AHRR: variants seen among roughly 807,000 people sequenced by gnomAD.
AHRR encodes the protein aryl hydrocarbon receptor repressor.
A neutral mutation model predicts 44.0 loss-of-function variants in AHRR; 28 were observed. That is an observed-to-expected ratio of 0.64 (90% CI 0.47 to 0.87). AHRR has a LOEUF of 0.87. Among genes scored for constraint, AHRR ranks in the 40% least tolerant of loss-of-function variants. AHRR has a pLI of 0.00. For synonymous variants in AHRR, 434 were observed against 407.0 expected (o/e 1.07, Z -0.80); for missense variants, 990 against 953.9 (o/e 1.04, Z -0.50).
At chr5:328,595 CATT>C (rs759093827) in intron 1 of AHRR, among the ~76,000 whole-genome samples, 13 of 152,098 alleles carry the variant, frequency 8.5e-5, no homozygotes, top group African/African-American at 2.4e-4. Flanking sequence ...GATGATATCT[CATT>C]GTTGTTTTAT....
chr5:427,356 C>T (rs566665047), intron 7 of AHRR, among the ~76,000 whole-genome samples: 15 of 152,306 alleles, frequency 9.8e-5, no homozygotes, highest in South Asian at 2.1e-4. Context: ...TTCATAATTA[C>T]AAATGAAGAA....
rs998976804 is a variant in AHRR, at chr5:405,167, G to T, written c.352-8177G>T. ...AAACCGAGAGCTTGTGAACAGCCCC[G>T]ATGGGTCCAGGCAGATTCACCAGAC... On this transcript the variant is annotated intron_variant, in intron 4 of 10. Transcript: ENST00000684583. The surrounding 1 kb of genome is among the most constrained non-coding windows in gnomAD (Gnocchi z 4.5). Among the ~76,000 whole-genome samples the T allele has an allele frequency of 1.3e-5, 2 of 152,026 alleles. No homozygotes were observed. The highest frequency in any genetic ancestry group is 2.1e-4 in the South Asian group (1 of 4,818).
intron 3 of AHRR, chr5:368,116 C>G: frequency 1.7e-6 from 1 of 593,684 alleles, no homozygotes; most frequent in Non-Finnish European, 3.0e-6. Context: ...CAAATGGAGA[C>G]TCTGACAGCT....
At chr5:368,646 CGTG>C (rs1421475120) in intron 3 of AHRR, among the ~76,000 whole-genome samples, 10 of 152,330 alleles carry the variant, frequency 6.6e-5, no homozygotes, top group Non-Finnish European at 1.2e-4. Flanking sequence ...TCCACGATAA[CGTG>C]GGGTTCCAAG....
At chr5:377,341 A>G (rs1332856775) in intron 4 of AHRR, among the ~76,000 whole-genome samples, 3 of 152,186 alleles carry the variant, frequency 2.0e-5, no homozygotes, top group Non-Finnish European at 4.4e-5. Flanking sequence ...TCCATTCGCC[A>G]TTTTGAAGAT....
In AHRR at chr5:419,390, C is replaced by T. The variant is rs994764934; in HGVS notation, c.442-3339C>T. ...ATGTTGAAGCCAGGCTGATCTCAAACTCCCAACCTCAAGTGATCTGCCCGC... is the reference window on the plus strand; with the variant it reads ...ATGTTGAAGCCAGGCTGATCTCAAATTCCCAACCTCAAGTGATCTGCCCGC... On this transcript the variant is annotated intron_variant, in intron 5 of 10. Transcript: ENST00000684583. The surrounding 1 kb of genome is among the most constrained non-coding windows in gnomAD (Gnocchi z 4.4). Among the ~76,000 whole-genome samples the T allele has an allele frequency of 6.6e-6, 1 of 152,184 alleles. No homozygotes were observed. The highest frequency in any genetic ancestry group is 2.4e-5 in the African/African-American group (1 of 41,450).
intron 3 of AHRR, among the ~76,000 whole-genome samples, chr5:362,099 C>T (rs920934041): frequency 5.3e-5 from 8 of 152,048 alleles, no homozygotes; most frequent in African/African-American, 1.5e-4. Context: ...AGGTTAAATG[C>T]GGTCATAAGG....
chr5:423,847 A>T lies in AHRR; in HGVS notation c.578A>T (p.Asp193Val). The change falls in exon 7 of 11, where the codon GAT becomes GTT. Residue 193 changes from aspartate to valine, a missense_variant. Physicochemically the swap from Asp to Val is radical, Grantham distance 152. Coordinates refer to ENST00000684583, the MANE Select transcript of AHRR (RefSeq NM_001377236.1). ...TGGCCCCTATGGTCTGCAGGAGATG[A>T]TGCTATCCTGGGGAGGCTGCTCAGG... Reference protein sequence around the residue: ...GQPPPLETGDDAILGRLLRAQ... With the variant: ...GQPPPLETGDVAILGRLLRAQ... 1 of 1,602,978 alleles carries T rather than the reference A, an allele frequency of 6.2e-7. No individual in the cohort carries two copies. Among genetic ancestry groups the T allele is most frequent in the Non-Finnish European group, 8.5e-7 (1 of 1,178,128 alleles).
chr5:401,323 T>C (rs1468866617), intron 4 of AHRR, among the ~76,000 whole-genome samples: 2 of 152,130 alleles, frequency 1.3e-5, no homozygotes, highest in African/African-American at 4.8e-5. Context: ...GCCCCTAAGA[T>C]GGGAGCCGCT....
chr5:330,180 T>C (rs557782785), intron 1 of AHRR, among the ~76,000 whole-genome samples: 1 of 152,328 alleles, frequency 6.6e-6, no homozygotes, highest in South Asian at 2.1e-4. Flanking sequence ...CATTAAGGGA[T>C]CTGAAATTTA....
intron 3 of AHRR, among the ~76,000 whole-genome samples, chr5:356,269 C>T (rs1743042388): frequency 6.6e-6 from 1 of 152,154 alleles, no homozygotes; most frequent in South Asian, 2.1e-4. Flanking sequence ...CCTCCTGCTG[C>T]GGGGCATGGA....
intron 8 of AHRR, chr5:431,989 A>G (rs1736754040): frequency 6.4e-6 from 1 of 156,710 alleles, no homozygotes. Context: ...AAGAAAATAG[A>G]ATCTACCAGG....
chr5:400,143 G>A (rs1734952982), intron 4 of AHRR, among the ~76,000 whole-genome samples: 1 of 152,210 alleles, frequency 6.6e-6, no homozygotes, highest in African/African-American at 2.4e-5. Flanking sequence ...CCTTTACTCC[G>A]AGGAGGGGCA....
At chr5:397,889 CGTAGCTCCTGACCATCCA>C (rs1560907338) in intron 4 of AHRR, among the ~76,000 whole-genome samples, 285 of 99,504 alleles carry the variant, frequency 2.9e-3, no homozygotes, top group Non-Finnish European at 4.6e-3. Flanking sequence ...TGACCATCCA[CGTAGCTCCTGACCATCCA>C]TGTTAGCCCC....
Position 430,797 on chromosome 5 carries a change from G to A in AHRR, c.909-1666G>A, listed in dbSNP as rs147000971. On this transcript the variant is annotated intron_variant, in intron 8 of 10. Transcript: ENST00000684583. Reference sequence around the variant, plus strand: ...AGGGTGGACAGAGGGCAGCTCCAGGGACGGCCAGGACACGGGTCAGCCTGC... The same window carrying A: ...AGGGTGGACAGAGGGCAGCTCCAGGAACGGCCAGGACACGGGTCAGCCTGC... Among the ~76,000 whole-genome samples, 685 of 152,338 alleles carry A rather than the reference G, an allele frequency of 4.5e-3. 4 individuals are homozygous for A. The highest frequency in any genetic ancestry group is 0.016 in the African/African-American group (652 of 41,564).
intron 3 of AHRR, among the ~76,000 whole-genome samples, chr5:371,005 A>G (rs1438100834): frequency 6.6e-6 from 1 of 152,174 alleles, no homozygotes; most frequent in African/African-American, 2.4e-5. Flanking sequence ...GGTGTCTCAG[A>G]CAGCTGCAAG....
At chr5:429,905 G>A (rs1736647077) in intron 8 of AHRR, among the ~76,000 whole-genome samples, 1 of 152,226 alleles carries the variant, frequency 6.6e-6, no homozygotes, top group African/African-American at 2.4e-5. Flanking sequence ...CCACGGCCCT[G>A]TGTTGGCTGA....
Position 405,427 on chromosome 5 carries a change from C to A in AHRR, c.352-7917C>A, listed in dbSNP as rs1034114537. ...TATAAAGCATTGGCCTATTTTGTCA[C>A]CGTGGAGCAGCCTATGGTGTTGCCC... On this transcript the variant is annotated intron_variant, in intron 4 of 10. Transcript: ENST00000684583. This position sits in a 1 kb window ranked among gnomAD's most constrained non-coding sequence, Gnocchi z 4.5. 6.6e-6 allele frequency among the ~76,000 whole-genome samples: 1 copy of A among 152,164 alleles called. No individual in the cohort carries two copies. The highest frequency in any genetic ancestry group is 2.4e-5 in the African/African-American group (1 of 41,432).
At chr5:340,450 A>G (rs1342262358) in intron 1 of AHRR, among the ~76,000 whole-genome samples, 2 of 151,382 alleles carry the variant, frequency 1.3e-5, no homozygotes, top group African/African-American at 4.9e-5. Flanking sequence ...TGCCTTACAG[A>G]TGGCTGCCTT....
Sources: allele counts gnomAD v4.1 joint callset (sites outside exome capture counted in the v4.1 genomes callset), GRCh38; gene constraint gnomAD v4.1.1; non-coding constraint Gnocchi (gnomAD v3.1); transcripts MANE v1.5; gene names NCBI Gene and HGNC (gene_info 2026-07-23, HGNC 2026-07-21).